Variants in ZNF510 observed in about 807,000 individuals in gnomAD.
The protein encoded by ZNF510 is zinc finger protein 510.
ZNF510 carries 15 observed loss-of-function variants against 18.1 expected under a neutral mutation model. The ratio of observed to expected loss-of-function variants is 0.83; its 90% CI spans 0.55 to 1.28. ZNF510 has a LOEUF of 1.28. ZNF510 is among the 50% of genes most tolerant of loss of function. The pLI, the probability that ZNF510 is intolerant of heterozygous loss-of-function variation, is 0.00. For missense variants in ZNF510, 724 were observed against 791.8 expected (o/e 0.91, Z 1.03); for synonymous variants, 261 against 266.4 (o/e 0.98, Z 0.20).
At position 96,759,345 on chromosome 9, in the gene ZNF510, T is replaced by C; in HGVS notation, c.1485A>G (p.Lys495=). ...EKPYECSECG[K]TFVQKSTLRD... ...TGAGGGTGGACTTCTGAACAAAAGT[T>C]TTCCCACATTCACTACATTCATAGG... Residue 495 remains lysine (K), a synonymous_variant, in exon 6 of 6, where the codon AAA becomes AAG. Transcript: ENST00000223428. 1 of 1,614,148 alleles carries C rather than the reference T, an allele frequency of 6.2e-7. No homozygotes were observed. The highest frequency in any genetic ancestry group is 8.5e-7 in the Non-Finnish European group (1 of 1,180,002).
At chr9:96,768,853 T>C (rs1437860473) in intron 3 of ZNF510, among the ~76,000 whole-genome samples, 1 of 151,936 alleles carries the variant, frequency 6.6e-6, no homozygotes, top group Non-Finnish European at 1.5e-5. Flanking sequence ...TATATGAAAT[T>C]GCAAGGGACC....
chr9:96,760,129 G>A lies in ZNF510; in HGVS notation c.701C>T (p.Ala234Val). ...GGGAAGATTTTCATTATAATTGAGA[G>A]CTTTCATGTTTTTATTATGTTCATA... ...KFYEHNKNMK[A>V]LNYNENLPKH... Residue 234 changes from alanine (A) to valine (V), a missense_variant, in exon 6 of 6, where the codon GCT (alanine) becomes GTT (valine). By Grantham distance (64) the Ala-to-Val change is moderately conservative. Transcript: ENST00000223428. 2 of 1,610,060 alleles carry A rather than the reference G, an allele frequency of 1.2e-6. No homozygotes were observed. The highest frequency in any genetic ancestry group is 1.7e-6 in the Non-Finnish European group (2 of 1,178,976).
At position 96,760,147 on chromosome 9, in the gene ZNF510, T is replaced by A; in HGVS notation, c.683A>T (p.His228Leu). 1.9e-6 allele frequency: 3 copies of A among 1,611,602 alleles called. No homozygotes were observed. Among genetic ancestry groups the A allele is most frequent in the South Asian group, 2.2e-5 (2 of 90,356 alleles). The change falls in exon 6 of 6, where the codon CAT becomes CTT. Residue 228 changes from histidine to leucine, a missense_variant. His to Leu is a moderately conservative substitution (Grantham distance 99). Transcript: ENST00000223428. Reference protein sequence around the residue: ...KTQTGEKFYEHNKNMKALNYN... With the variant: ...KTQTGEKFYELNKNMKALNYN... ...ATTGAGAGCTTTCATGTTTTTATTA[T>A]GTTCATAAAATTTCTCTCCAGTCTG... is the stretch of plus-strand genomic sequence containing the variant.
intron 3 of ZNF510, among the ~76,000 whole-genome samples, chr9:96,768,426 T>C (rs1039869930): frequency 6.6e-6 from 1 of 152,058 alleles, no homozygotes; most frequent in Non-Finnish European, 1.5e-5. Context: ...ATCTCTATTC[T>C]CAGAGACCAT....
rs765229329 is a variant in ZNF510 at position 96,758,862 on chromosome 9, A to AT, written c.1967dup (p.Tyr656Ter). 1 of 1,614,044 alleles carries AT rather than the reference A, an allele frequency of 6.2e-7. No individual in the cohort carries two copies. Among genetic ancestry groups the AT allele is most frequent in the Non-Finnish European group, 8.5e-7 (1 of 1,179,948 alleles). ...ATAATTTCCCATATTCATTGCATTCATAAGATTTCTCCCCACTGTGAGTCC... is the reference window on the plus strand; with the variant it reads ...ATAATTTCCCATATTCATTGCATTCATTAAGATTTCTCCCCACTGTGAGTCC... Reference protein sequence around the residue: ...HQRTHSGEKSYECNEYGKLCK... With the variant: ...HQRTHSGEKS The change falls in exon 6 of 6, where the codon TAT becomes TAAT. Residue 656 changes from tyrosine (Y) to a stop codon, truncating the protein, a stop_gained and frameshift_variant. Transcript: ENST00000223428. LOFTEE classifies it low-confidence loss of function (END_TRUNC).
chr9:96,761,625 T>C (rs1432404214), intron 5 of ZNF510, among the ~76,000 whole-genome samples: 1 of 151,862 alleles, frequency 6.6e-6, no homozygotes, highest in Non-Finnish European at 1.5e-5. Context: ...AGTCTCCTAA[T>C]ATTTATGTAA....
chr9:96,758,161 T>C lies in ZNF510; in HGVS notation c.*617A>G, dbSNP rs935193597. 2 of 152,242 alleles carry C rather than the reference T, an allele frequency of 1.3e-5. No homozygotes were observed. Among genetic ancestry groups the C allele is most frequent in the Non-Finnish European group, 2.9e-5 (2 of 68,068 alleles). 9.4% of individuals were successfully genotyped at this position (152,242 alleles called of 1,614,324 possible). On this transcript the variant is annotated 3_prime_UTR_variant, in exon 6 of 6. Transcript: ENST00000223428. ...ATAAGCTTAAATTTTGCTCACATAA[T>C]GTTCAACTGGGAAAGACACAGAAGA...
chr9:96,762,732 C>A (rs1323367711), intron 5 of ZNF510, among the ~76,000 whole-genome samples: 2 of 152,124 alleles, frequency 1.3e-5, no homozygotes, highest in African/African-American at 4.8e-5. Context: ...TGAGATTGAA[C>A]ACATTTTCAA....
In ZNF510 at chr9:96,757,988, G is replaced by T. The variant is rs555765107; in HGVS notation, c.*790C>A. ...CCCTCATGGGAGAGCAGGAGGGCAT[G>T]AGACTTCATCCCACTACTCAGAATC... is the stretch of plus-strand genomic sequence containing the variant. On this transcript the variant is annotated 3_prime_UTR_variant, in exon 6 of 6. Coordinates refer to ENST00000223428, the MANE Select transcript of ZNF510 (RefSeq NM_014930.3). 1 of 152,314 alleles carries T rather than the reference G, an allele frequency of 6.6e-6. No homozygotes were observed. The highest frequency in any genetic ancestry group is 1.5e-5 in the Non-Finnish European group (1 of 68,016). 9.4% of individuals were successfully genotyped at this position (152,314 alleles called of 1,614,324 possible). A position where few individuals can be genotyped will look rare whatever the true frequency, so the allele number is the denominator to read the frequency against.
intron 3 of ZNF510, among the ~76,000 whole-genome samples, chr9:96,772,301 G>T (rs927090709): frequency 5.3e-5 from 8 of 152,094 alleles, no homozygotes; most frequent in Admixed American, 5.2e-4. Flanking sequence ...CAAGTATGTA[G>T]TAACAATATA....
intron 3 of ZNF510, 150 bp downstream of exon 3, chr9:96,774,638 T>C (rs1416948807): frequency 3.0e-6 from 2 of 658,602 alleles, no homozygotes; most frequent in East Asian, 3.0e-5. Flanking sequence ...GACCTCCATC[T>C]TTCCACATGC....
intron 3 of ZNF510, among the ~76,000 whole-genome samples, chr9:96,765,848 G>C (rs1175260351): frequency 2.0e-5 from 3 of 152,114 alleles, no homozygotes; most frequent in Non-Finnish European, 4.4e-5. Flanking sequence ...ATGTATAACA[G>C]TTATGTGCTG....
rs1354202981 is a variant in ZNF510, at chr9:96,760,288, A to T, written c.542T>A (p.Val181Glu). The stretch of plus-strand genomic sequence containing the variant: ...AAATTCAGAAATACTTTGCAAATTC[A>T]CTTCCCATGAGTTGCATTTGCAGGA... ...KMSCKCNSWE[V>E]NLQSISEFII... The change falls in exon 6 of 6, where the codon GTG becomes GAG. Residue 181 changes from valine (V) to glutamate (E), a missense_variant. Val to Glu is a moderately radical substitution (Grantham distance 121). Transcript: ENST00000223428. The T allele has an allele frequency of 6.2e-7, 1 of 1,613,392 alleles. No homozygotes were observed. Among genetic ancestry groups the T allele is most frequent in the African/African-American group, 1.3e-5 (1 of 75,028 alleles).
Position 96,760,229 on chromosome 9 carries a change from TTTTC to T in ZNF510, c.597_600del (p.Lys200Ter). 1.9e-6 allele frequency: 3 copies of T among 1,612,962 alleles called. No homozygotes were observed. Among genetic ancestry groups the T allele is most frequent in the Non-Finnish European group, 2.5e-6 (3 of 1,179,600 alleles). ...TTCTCACATACATTACCGCAACCTA[TTTTC>T]TTTGTTGAATAGTTTCTATTATTAA... On this transcript the variant is annotated frameshift_variant, in exon 6 of 6. Transcript: ENST00000223428. LOFTEE classifies it low-confidence loss of function (END_TRUNC).
At chr9:96,773,551 C>T (rs1849626505) in intron 3 of ZNF510, among the ~76,000 whole-genome samples, 1 of 151,400 alleles carries the variant, frequency 6.6e-6, no homozygotes, top group Non-Finnish European at 1.5e-5. Flanking sequence ...CCTCACAGCT[C>T]TCAGAAGGAA....
chr9:96,771,088 CTCAT>C (rs1275462545), intron 3 of ZNF510, among the ~76,000 whole-genome samples: 5 of 152,138 alleles, frequency 3.3e-5, no homozygotes, highest in African/African-American at 9.7e-5. Context: ...CAATCTTAAA[CTCAT>C]TCAGAGAACA....
rs149673644 is a variant in ZNF510, at chr9:96,759,940, A to G, written c.890T>C (p.Phe297Ser). The change falls in exon 6 of 6, where the codon TTT becomes TCT. Residue 297 changes from phenylalanine to serine, a missense_variant. By Grantham distance (155) the Phe-to-Ser change is radical. Coordinates refer to ENST00000223428, the MANE Select transcript of ZNF510 (RefSeq NM_014930.3). ...CCCTGTGCCAGTTCTCCTGTGGTCAAAGAGAGTTTTCTTATCACAATTTTT... is the reference window on the plus strand; with the variant it reads ...CCCTGTGCCAGTTCTCCTGTGGTCAGAGAGAGTTTTCTTATCACAATTTTT... ...FRKNCDKKTL[F>S]DHRRTGTGKK... 26 of 1,613,414 alleles carry G rather than the reference A, an allele frequency of 1.6e-5. No homozygotes were observed. Among genetic ancestry groups the G allele is most frequent in the Non-Finnish European group, 2.2e-5 (26 of 1,179,966 alleles).
chr9:96,775,638 T>C (rs951832006), intron 2 of ZNF510, among the ~76,000 whole-genome samples: 1 of 152,200 alleles, frequency 6.6e-6, no homozygotes, highest in Non-Finnish European at 1.5e-5. Context: ...CTCCAAGCTC[T>C]GTCCTGAGTG....
At chr9:96,762,764 T>TA (rs1329804601) in intron 5 of ZNF510, among the ~76,000 whole-genome samples, 4 of 152,224 alleles carry the variant, frequency 2.6e-5, no homozygotes, top group South Asian at 2.1e-4. Context: ...GCATACATAT[T>TA]AAAAAGTTCT....
Sources: gnomAD v4.1 joint callset for allele counts (sites outside exome capture counted in the v4.1 genomes callset) on GRCh38, gnomAD v4.1.1 for gene constraint, MANE v1.5 for transcripts, NCBI Gene and HGNC (gene_info 2026-07-23, HGNC 2026-07-21) for gene names.